The following CCSER1 variants were observed in gnomAD, a reference collection of about 807,000 sequenced individuals.
The protein encoded by CCSER1 is coiled-coil serine rich protein 1.
Under a neutral mutation model 82.0 loss-of-function variants are expected in CCSER1, and 41 were observed. The ratio of observed to expected loss-of-function variants is 0.50; its 90% CI spans 0.39 to 0.65. The LOEUF is 0.65. Among genes scored for constraint, CCSER1 ranks in the 30% least tolerant of loss-of-function variants. The probability of loss-of-function intolerance (pLI) is 0.00; values close to 1 mark genes in which losing one functional copy is unlikely to be tolerated. For missense variants in CCSER1, 1,119 were observed against 1,064.2 expected, an observed-to-expected ratio of 1.05 and a Z score of -0.72; for synonymous variants, 414 against 383.9, an observed-to-expected ratio of 1.08 and a Z score of -0.92.
intron 1 of CCSER1, among the ~76,000 whole-genome samples, chr4:90,262,999 G>T (rs1724607858): frequency 6.6e-6 from 1 of 152,126 alleles, no homozygotes; most frequent in African/African-American, 2.4e-5. Flanking sequence ...AGTTGTGTCT[G>T]CAGTTGTGGA....
intron 8 of CCSER1, among the ~76,000 whole-genome samples, chr4:90,826,126 C>A (rs1760405455): frequency 6.6e-6 from 1 of 152,098 alleles, no homozygotes; most frequent in Non-Finnish European, 1.5e-5. Flanking sequence ...CCTTATTATG[C>A]CCAATAAAAA....
At chr4:90,130,769 G>A (rs1463906169) in intron 1 of CCSER1, among the ~76,000 whole-genome samples, 1 of 149,210 alleles carries the variant, frequency 6.7e-6, no homozygotes, top group Non-Finnish European at 1.5e-5. Flanking sequence ...GACTACAGGC[G>A]CATGCCACCC....
At chr4:91,162,282 G>A (rs927828932) in intron 10 of CCSER1, among the ~76,000 whole-genome samples, 2 of 152,110 alleles carry the variant, frequency 1.3e-5, no homozygotes, top group Non-Finnish European at 1.5e-5. Context: ...GGATGAAGTC[G>A]ACTTCATAGT....
chr4:90,738,962 C>T (rs1561047713), intron 7 of CCSER1, among the ~76,000 whole-genome samples: 1 of 152,210 alleles, frequency 6.6e-6, no homozygotes, highest in African/African-American at 2.4e-5. Flanking sequence ...TGCTCTTCCC[C>T]ACTATGGTGG....
chr4:90,321,463 G>A (rs1246353157), intron 3 of CCSER1, among the ~76,000 whole-genome samples: 1 of 152,074 alleles, frequency 6.6e-6, no homozygotes, highest in East Asian at 1.9e-4. Flanking sequence ...CCTTTTGCTT[G>A]CTGATGGACA....
intron 3 of CCSER1, among the ~76,000 whole-genome samples, chr4:90,397,224 G>A (rs148876864): frequency 6.6e-4 from 100 of 152,250 alleles, no homozygotes; most frequent in African/African-American, 2.3e-3. Context: ...ATGGAACCCT[G>A]CTAGTCCAAG....
intron 5 of CCSER1, among the ~76,000 whole-genome samples, chr4:90,473,483 C>T (rs951005784): frequency 1.3e-5 from 2 of 152,208 alleles, no homozygotes; most frequent in South Asian, 2.1e-4. Context: ...GTTTCAATAC[C>T]TCTTTGTAAT....
intron 1 of CCSER1, among the ~76,000 whole-genome samples, chr4:90,213,798 AG>A (rs1011144098): frequency 3.3e-5 from 5 of 152,184 alleles, no homozygotes; most frequent in Non-Finnish European, 7.3e-5. Context: ...AGCAATATGA[AG>A]ATCATTCATT....
intron 1 of CCSER1, among the ~76,000 whole-genome samples, chr4:90,167,217 A>G (rs985607809): frequency 6.6e-6 from 1 of 152,124 alleles, no homozygotes; most frequent in African/African-American, 2.4e-5. Context: ...ATTTAAAAAT[A>G]TCTGTGTCTC....
At chr4:90,271,880 T>A (rs1257882243) in intron 1 of CCSER1, among the ~76,000 whole-genome samples, 16 of 102,708 alleles carry the variant, frequency 1.6e-4, no homozygotes, top group African/African-American at 5.5e-4. Context: ...TTTTTTTTTT[T>A]TTTTTTTTTT....
intron 10 of CCSER1, among the ~76,000 whole-genome samples, chr4:91,539,725 C>A (rs183863230): frequency 3.3e-5 from 5 of 152,084 alleles, no homozygotes; most frequent in East Asian, 3.9e-4. Context: ...CAATTTTAAG[C>A]TTTATTCTTT....
At chr4:90,901,244 G>T (rs34375703) in intron 8 of CCSER1, among the ~76,000 whole-genome samples, 1 of 150,712 alleles carries the variant, frequency 6.6e-6, no homozygotes, top group African/African-American at 2.4e-5. Context: ...TTTTTAATCC[G>T]ATTTTCCATT....
intron 3 of CCSER1, among the ~76,000 whole-genome samples, chr4:90,366,683 C>A (rs1378546164): frequency 6.6e-6 from 1 of 151,750 alleles, no homozygotes; most frequent in Non-Finnish European, 1.5e-5. Flanking sequence ...ATTTTAAACA[C>A]AACATTTGAG....
At chr4:91,541,164 T>C (rs1241713959) in intron 10 of CCSER1, among the ~76,000 whole-genome samples, 1 of 152,228 alleles carries the variant, frequency 6.6e-6, no homozygotes, top group East Asian at 1.9e-4. Flanking sequence ...TGAGCCTTCC[T>C]ATTCTATGAA....
At position 90,342,405 on chromosome 4, in the gene CCSER1, G is replaced by T. The variant is rs375000085; in HGVS notation, c.1509+29358G>T. Reference sequence around the variant, plus strand: ...GCTCACTGTTAAGTCTTCAGACATTGACTATCCTCACCCTTACGCCATCCT... The same window carrying T: ...GCTCACTGTTAAGTCTTCAGACATTTACTATCCTCACCCTTACGCCATCCT... On this transcript the variant is annotated intron_variant, in intron 3 of 10. Transcript: ENST00000509176. Among the ~76,000 whole-genome samples the T allele has an allele frequency of 1.6e-3, 251 of 152,178 alleles. 11 individuals are homozygous for T. In the South Asian group the frequency reaches 0.051, roughly 31 times the overall value.
chr4:91,268,725 T>C (rs1741802734), intron 10 of CCSER1, among the ~76,000 whole-genome samples: 1 of 152,158 alleles, frequency 6.6e-6, no homozygotes, highest in African/African-American at 2.4e-5. Flanking sequence ...AAAGGGGGTT[T>C]TTCTCTTACA....
Position 90,438,114 on chromosome 4 carries a change from A to G in CCSER1, c.1604-30120A>G, listed in dbSNP as rs139641218. ...GAAAAAGCTTATTGCTATACTTGAT[A>G]CAGAAAAGTCAATACATTTCAGGTG... On this transcript the variant is annotated intron_variant, in intron 4 of 10. Transcript: ENST00000509176. Among the ~76,000 whole-genome samples, 1,442 of 152,294 alleles carry G rather than the reference A, an allele frequency of 9.5e-3. 12 individuals are homozygous for G. Among genetic ancestry groups the G allele is most frequent in the South Asian group, 0.022 (105 of 4,828 alleles).
chr4:90,622,954 C>T (rs1317952588), intron 5 of CCSER1, among the ~76,000 whole-genome samples: 3 of 151,870 alleles, frequency 2.0e-5, no homozygotes, highest in African/African-American at 4.8e-5. Context: ...TTAATGATCA[C>T]CATTCTAACT....
chr4:91,489,796 A>ATAATAAAAATAAATAAATAAAT (rs70965501), intron 10 of CCSER1, among the ~76,000 whole-genome samples: 2 of 151,454 alleles, frequency 1.3e-5, no homozygotes, highest in Non-Finnish European at 2.9e-5. Flanking sequence ...TTAAAATAAA[A>ATAATAAAAATAAATAAATAAAT]AAAAGATTGA....
Sources: gnomAD v4.1 joint callset for allele counts (sites outside exome capture counted in the v4.1 genomes callset) on GRCh38, gnomAD v4.1.1 for gene constraint, MANE v1.5 for transcripts, NCBI Gene and HGNC (gene_info 2026-07-23, HGNC 2026-07-21) for gene names.